Variants in PCCA observed in about 807,000 individuals in gnomAD.
The protein encoded by PCCA is propionyl-CoA carboxylase alpha chain, mitochondrial.
A neutral mutation model predicts 101.3 loss-of-function variants in PCCA; 74 were observed. The observed-to-expected ratio is 0.73, with a 90% CI of 0.61 to 0.89. The LOEUF (loss-of-function observed/expected upper bound fraction) is 0.89. Ranked by LOEUF, PCCA falls within the 40% of genes least tolerant of loss-of-function variation. The probability of loss-of-function intolerance (pLI) is 0.00; values close to 1 mark genes in which losing one functional copy is unlikely to be tolerated. For synonymous variants in PCCA, 294 were observed against 313.6 expected (o/e 0.94, Z 0.66); for missense variants, 891 against 907.0 (o/e 0.98, Z 0.23).
At chr13:100,517,045 T>TTGTG (rs773035485) in intron 22 of PCCA, among the ~76,000 whole-genome samples, 36 of 69,852 alleles carry the variant, frequency 5.2e-4, no homozygotes, top group Non-Finnish European at 6.8e-4. Flanking sequence ...AATTATAAAA[T>TTGTG]CGTGTGTGTG....
intron 6 of PCCA, among the ~76,000 whole-genome samples, chr13:100,204,132 CTTTT>C (rs781004968): frequency 7.2e-6 from 1 of 138,690 alleles, no homozygotes; most frequent in Admixed American, 7.3e-5. Flanking sequence ...TTTTCCGTGG[CTTTT>C]TTTTTTTTTT....
At chr13:100,519,071 A>G (rs1001069219) in intron 22 of PCCA, among the ~76,000 whole-genome samples, 1 of 152,226 alleles carries the variant, frequency 6.6e-6, no homozygotes, top group Non-Finnish European at 1.5e-5. Flanking sequence ...CAGAAACAAA[A>G]CCACCCCATA....
chr13:100,112,773 A>G (rs1472090178), intron 4 of PCCA, among the ~76,000 whole-genome samples: 1 of 152,014 alleles, frequency 6.6e-6, no homozygotes, highest in South Asian at 2.1e-4. Flanking sequence ...ACAGGGTTTC[A>G]CCAAGTTGGC....
chr13:100,421,418 T>C (rs1487203950), intron 19 of PCCA, among the ~76,000 whole-genome samples: 1 of 152,176 alleles, frequency 6.6e-6, no homozygotes, highest in Admixed American at 6.5e-5. Flanking sequence ...GTATACACTA[T>C]TCTGTATTTT....
chr13:100,373,759 C>T (rs982104419), intron 19 of PCCA, among the ~76,000 whole-genome samples: 25 of 152,066 alleles, frequency 1.6e-4, no homozygotes, highest in East Asian at 7.7e-4. Flanking sequence ...ATTTTATACG[C>T]GTTTTACCAC....
rs36098330 is a variant in PCCA at position 100,292,934 on chromosome 13, C to CGTGTGTGTGTGTGTGTGTGT, written c.1066-8519_1066-8500dup. 3.4e-3 allele frequency among the ~76,000 whole-genome samples: 499 copies of CGTGTGTGTGTGTGTGTGTGT among 147,666 alleles called. 6 individuals are homozygous for CGTGTGTGTGTGTGTGTGTGT. The highest frequency in any genetic ancestry group is 0.011 in the African/African-American group (449 of 39,852). On this transcript the variant is annotated intron_variant, in intron 12 of 23. Coordinates refer to ENST00000376285, the MANE Select transcript of PCCA (RefSeq NM_000282.4). ...GACCCTGAATACACCTTTCCAAATTCGTGTGTGTGTGTGTGTGTGTGTGTG... is the reference window on the plus strand; with the variant it reads ...GACCCTGAATACACCTTTCCAAATTCGTGTGTGTGTGTGTGTGTGTGTGTGTGTGTGTGTGTGTGTGTGTG...
chr13:100,480,818 A>G (rs914497262), intron 21 of PCCA, among the ~76,000 whole-genome samples: 4 of 152,316 alleles, frequency 2.6e-5, no homozygotes, highest in African/African-American at 9.6e-5. Context: ...TGCTTCCTGC[A>G]TGACAGTCAC....
chr13:100,442,689 C>T (rs1399326284), intron 20 of PCCA, among the ~76,000 whole-genome samples: 1 of 152,090 alleles, frequency 6.6e-6, no homozygotes, highest in Non-Finnish European at 1.5e-5. Flanking sequence ...ATGTAAATAC[C>T]TAAATAAGGT....
chr13:100,111,826 T>C lies in PCCA; in HGVS notation c.184-15T>C. The C allele has an allele frequency of 6.3e-7, 1 of 1,589,550 alleles. No homozygotes were observed. The highest frequency in any genetic ancestry group is 8.6e-7 in the Non-Finnish European group (1 of 1,159,838). ...AAGTAACAATTTCTAATGAATGTGT[T>C]TTTTCTCTCTTCAGACTTTTGATAA... On this transcript the variant is annotated splice_polypyrimidine_tract_variant and intron_variant, in intron 2 of 23. Coordinates refer to ENST00000376285, the MANE Select transcript of PCCA (RefSeq NM_000282.4).
At chr13:100,196,438 A>G (rs1177335544) in intron 6 of PCCA, among the ~76,000 whole-genome samples, 1 of 152,160 alleles carries the variant, frequency 6.6e-6, no homozygotes, top group Non-Finnish European at 1.5e-5. Flanking sequence ...TTAAGTGGGA[A>G]ACTTAACTTC....
intron 14 of PCCA, among the ~76,000 whole-genome samples, chr13:100,305,363 TTTAAG>T (rs1191915822): frequency 6.6e-6 from 1 of 152,212 alleles, no homozygotes; most frequent in Non-Finnish European, 1.5e-5. Context: ...CAACTGAAGT[TTTAAG>T]TAAGGAACTG....
At chr13:100,302,128 T>C (rs1345244870) in intron 13 of PCCA, among the ~76,000 whole-genome samples, 1 of 152,210 alleles carries the variant, frequency 6.6e-6, no homozygotes, top group Admixed American at 6.5e-5. Flanking sequence ...CATGTACTCT[T>C]AATTTATAAT....
Position 100,148,386 on chromosome 13 carries a change from C to T in PCCA, c.301-6593C>T, listed in dbSNP as rs376471875. The stretch of plus-strand genomic sequence containing the variant: ...ACTCTGCCTCTCCTACTCTTTACAT[C>T]CAGCCATATGTACAGTCCTCACCCC... On this transcript the variant is annotated intron_variant, in intron 4 of 23. Coordinates refer to ENST00000376285, the MANE Select transcript of PCCA (RefSeq NM_000282.4). Among the ~76,000 whole-genome samples, 25 of 152,250 alleles carry T rather than the reference C, an allele frequency of 1.6e-4. No homozygotes were observed. In the South Asian group the frequency reaches 4.8e-3, roughly 29 times the overall value.
chr13:100,345,956 C>T (rs1025077042), intron 18 of PCCA, among the ~76,000 whole-genome samples: 3 of 151,878 alleles, frequency 2.0e-5, no homozygotes, highest in Admixed American at 6.6e-5. Context: ...ATTATTTTGA[C>T]TCCACTGTTG....
intron 8 of PCCA, among the ~76,000 whole-genome samples, chr13:100,255,815 A>C (rs2062036157): frequency 6.6e-6 from 1 of 152,198 alleles, no homozygotes; most frequent in African/African-American, 2.4e-5. Flanking sequence ...GAATCAAAGC[A>C]TGCACAATCT....
In PCCA at chr13:100,383,142, T is replaced by C. The variant is rs529381205; in HGVS notation, c.1746+14568T>C. ...AGTAGCTGAGACTACAGGGGCATGC[T>C]ACCATGTCTGGCTAATTTTTATATT... On this transcript the variant is annotated intron_variant, in intron 19 of 23. Transcript: ENST00000376285. Among the ~76,000 whole-genome samples, 3 of 152,040 alleles carry C rather than the reference T, an allele frequency of 2.0e-5. No homozygotes were observed. In the South Asian group the frequency reaches 6.2e-4, roughly 32 times the overall value.
chr13:100,411,970 A>G (rs1372810230), intron 19 of PCCA, among the ~76,000 whole-genome samples: 1 of 152,234 alleles, frequency 6.6e-6, no homozygotes, highest in East Asian at 1.9e-4. Flanking sequence ...TTAAGGAACT[A>G]TTCAGGTTGA....
intron 9 of PCCA, 136 bp downstream of exon 9, chr13:100,257,809 A>G (rs1477597438): frequency 1.5e-5 from 10 of 687,914 alleles, no homozygotes; most frequent in Non-Finnish European, 2.1e-5. Context: ...TTTGAATGGG[A>G]AAAAGATTGA....
intron 19 of PCCA, among the ~76,000 whole-genome samples, chr13:100,422,118 CT>C (rs773470012): frequency 2.0e-3 from 104 of 51,050 alleles, no homozygotes; most frequent in African/African-American, 4.4e-3. Flanking sequence ...TTCTTTCTTT[CT>C]TTTCTTTCTT....
Sources: gnomAD v4.1 joint callset for allele counts (sites outside exome capture counted in the v4.1 genomes callset) on GRCh38, gnomAD v4.1.1 for gene constraint, MANE v1.5 for transcripts, NCBI Gene and HGNC (gene_info 2026-07-23, HGNC 2026-07-21) for gene names.